The following UPP2 variants were observed in gnomAD, a reference collection of about 807,000 sequenced individuals.
UPP2 encodes UPase 2.
UPP2 carries 23 observed loss-of-function variants against 26.7 expected under a neutral mutation model. The ratio of observed to expected loss-of-function variants is 0.86; its 90% CI spans 0.62 to 1.22. The LOEUF is 1.22. Ranked by LOEUF, UPP2 falls within the 50% of genes most tolerant of loss-of-function variation. The probability of loss-of-function intolerance (pLI) is 0.00; values close to 1 mark genes in which losing one functional copy is unlikely to be tolerated. For missense variants in UPP2, 387 were observed against 396.7 expected (o/e 0.98, Z 0.21); for synonymous variants, 127 against 141.3 (o/e 0.90, Z 0.72).
At chr2:158,008,713 G>A (rs1683531087) in intron 2 of UPP2, among the ~76,000 whole-genome samples, 1 of 152,098 alleles carries the variant, frequency 6.6e-6, no homozygotes, top group African/African-American at 2.4e-5. Context: ...ATTATTTTCT[G>A]TTTGAATAAG....
chr2:158,020,239 G>C (rs1276490441), intron 3 of UPP2, among the ~76,000 whole-genome samples: 1 of 152,224 alleles, frequency 6.6e-6, no homozygotes, highest in African/African-American at 2.4e-5. Flanking sequence ...GCAGGTCTGT[G>C]TTCTCCTTCT....
chr2:158,045,772 G>C (rs1250999667), intron 3 of UPP2, among the ~76,000 whole-genome samples: 1 of 152,128 alleles, frequency 6.6e-6, no homozygotes, highest in Non-Finnish European at 1.5e-5. Flanking sequence ...AGGGTTATTA[G>C]CATCAGTAAA....
chr2:158,021,474 A>C (rs1683751486), intron 3 of UPP2, among the ~76,000 whole-genome samples: 1 of 152,252 alleles, frequency 6.6e-6, no homozygotes, highest in Non-Finnish European at 1.5e-5. Flanking sequence ...GGAAAGCCTA[A>C]CACATGGCTG....
intron 2 of UPP2, among the ~76,000 whole-genome samples, chr2:158,107,617 G>A (rs1413747458): frequency 6.6e-6 from 1 of 151,890 alleles, no homozygotes; most frequent in Non-Finnish European, 1.5e-5. Flanking sequence ...AGAGGTTGGA[G>A]GCAGAGGAAA....
At chr2:158,027,384 G>A (rs1417974905) in intron 3 of UPP2, among the ~76,000 whole-genome samples, 1 of 152,166 alleles carries the variant, frequency 6.6e-6, no homozygotes, top group Non-Finnish European at 1.5e-5. Context: ...AAATCCAGCG[G>A]GGCAGTCAAA....
At chr2:158,055,415 C>A (rs1342351234) in intron 3 of UPP2, among the ~76,000 whole-genome samples, 1 of 152,192 alleles carries the variant, frequency 6.6e-6, no homozygotes, top group Admixed American at 6.5e-5. Flanking sequence ...AAGTTTCAAC[C>A]TGAATTTTGC....
chr2:158,019,683 C>G (rs1371205220), intron 3 of UPP2, among the ~76,000 whole-genome samples: 1 of 130,842 alleles, frequency 7.6e-6, no homozygotes, highest in Non-Finnish European at 1.6e-5. Flanking sequence ...CACACACACA[C>G]ACACAAGAAA....
At chr2:158,091,992 G>A (rs1558927729) in intron 3 of UPP2, among the ~76,000 whole-genome samples, 1 of 152,164 alleles carries the variant, frequency 6.6e-6, no homozygotes, top group Non-Finnish European at 1.5e-5. Context: ...GGACATTACT[G>A]CAACTAACCA....
At chr2:158,015,700 T>C (rs1683647202) in intron 2 of UPP2, 1 of 428,432 alleles carries the variant, frequency 2.3e-6, no homozygotes, top group Non-Finnish European at 4.6e-6. Context: ...TCCCCCTTGC[T>C]GTTCTTGTGA....
intron 3 of UPP2, among the ~76,000 whole-genome samples, chr2:158,025,377 C>T (rs551745218): frequency 3.3e-5 from 5 of 152,172 alleles, no homozygotes; most frequent in Admixed American, 6.5e-5. Flanking sequence ...AGCAACTCCA[C>T]GTGCTTTAGA....
At chr2:158,133,520 T>C (rs1683867602) in intron 6 of UPP2, among the ~76,000 whole-genome samples, 1 of 152,182 alleles carries the variant, frequency 6.6e-6, no homozygotes, top group Non-Finnish European at 1.5e-5. Flanking sequence ...TTTAATTGTT[T>C]TCACCATAAA....
chr2:158,129,388 T>C (rs755947063), intron 6 of UPP2, among the ~76,000 whole-genome samples: 3 of 152,216 alleles, frequency 2.0e-5, no homozygotes, highest in Non-Finnish European at 4.4e-5. Context: ...CAGCAGGTTT[T>C]TGAACGAACC....
intron 3 of UPP2, among the ~76,000 whole-genome samples, chr2:158,054,365 G>C (rs1682213131): frequency 6.8e-6 from 1 of 146,148 alleles, no homozygotes. Flanking sequence ...TCATGTTTTT[G>C]CTTTGTTGGT....
chr2:158,058,419 C>CTGTGTGTGTGTGTGTGTG (rs70990632), intron 3 of UPP2, among the ~76,000 whole-genome samples: 7,167 of 136,348 alleles, frequency 0.053, 326 homozygotes, highest in Non-Finnish European at 0.063. Context: ...TCCCCCCAAC[C>CTGTGTGTGTGTGTGTGTG]TGTGTGTGTG....
chr2:158,124,637 T>C (rs1683654510), intron 6 of UPP2, among the ~76,000 whole-genome samples: 1 of 152,080 alleles, frequency 6.6e-6, no homozygotes, highest in African/African-American at 2.4e-5. Flanking sequence ...AGTAGTCTAG[T>C]GAGAGTTGAT....
At chr2:158,022,035 GT>G (rs577280511) in intron 3 of UPP2, among the ~76,000 whole-genome samples, 5,517 of 141,980 alleles carry the variant, frequency 0.039, 320 homozygotes, top group African/African-American at 0.13. Flanking sequence ...AAAGTCAGCA[GT>G]TTTTTTTTTT....
At chr2:158,034,283 G>A (rs971256683) in intron 3 of UPP2, among the ~76,000 whole-genome samples, 5 of 152,190 alleles carry the variant, frequency 3.3e-5, no homozygotes, top group East Asian at 1.9e-4. Context: ...GAGGAGGTAC[G>A]TTTTCACTGA....
intron 3 of UPP2, among the ~76,000 whole-genome samples, chr2:158,095,726 G>A (rs949351844): frequency 9.9e-5 from 15 of 152,060 alleles, no homozygotes; most frequent in Non-Finnish European, 1.5e-4. Context: ...GAACTGTTTA[G>A]TCCAAAGCCT....
intron 6 of UPP2, among the ~76,000 whole-genome samples, chr2:158,124,497 C>T (rs1275221668): frequency 6.6e-6 from 1 of 152,172 alleles, no homozygotes; most frequent in Non-Finnish European, 1.5e-5. Flanking sequence ...TGAGAAGCCA[C>T]TGGAGAGCTC....
Sources: allele counts gnomAD v4.1 joint callset (sites outside exome capture counted in the v4.1 genomes callset), GRCh38; gene constraint gnomAD v4.1.1; transcripts MANE v1.5; gene names NCBI Gene and HGNC (gene_info 2026-07-23, HGNC 2026-07-21).